The following AKT3 variants were observed in gnomAD, a reference collection of about 807,000 sequenced individuals.
The protein encoded by AKT3 is RAC-gamma serine/threonine-protein kinase.
AKT3 carries 15 observed loss-of-function variants against 65.3 expected under a neutral mutation model. The ratio of observed to expected loss-of-function variants is 0.23; its 90% CI spans 0.15 to 0.35. AKT3 has a LOEUF of 0.35. Among genes scored for constraint, AKT3 ranks in the 10% least tolerant of loss-of-function variants. AKT3 has a pLI of 1.00. For missense variants in AKT3, 243 were observed against 576.5 expected (o/e 0.42, Z 5.92); for synonymous variants, 206 against 183.8 (o/e 1.12, Z -0.98).
intron 2 of AKT3, among the ~76,000 whole-genome samples, chr1:243,780,744 G>C (rs919768231): frequency 4.6e-5 from 7 of 151,822 alleles, no homozygotes; most frequent in African/African-American, 1.7e-4. Context: ...CTTTTATACA[G>C]GGCTGAATTA....
rs556971735 is a variant in AKT3, at chr1:243,646,412, T to C, written c.285-375A>G. Among the ~76,000 whole-genome samples the C allele has an allele frequency of 6.6e-5, 10 of 152,200 alleles. No individual in the cohort carries two copies. In the East Asian group the frequency reaches 1.7e-3, roughly 26 times the overall value. On this transcript the variant is annotated intron_variant, in intron 4 of 13. Coordinates refer to ENST00000673466, the MANE Select transcript of AKT3 (RefSeq NM_005465.7). ...CTCTGTTGCCCAAGCTGGAGTTCAA[T>C]AGCATGATCTCAGCTCACTGCAACC...
intron 12 of AKT3, among the ~76,000 whole-genome samples, chr1:243,517,190 T>C (rs1376752437): frequency 6.6e-6 from 1 of 152,212 alleles, no homozygotes; most frequent in Non-Finnish European, 1.5e-5. Flanking sequence ...TGTTTTACAG[T>C]ACTTAAATCC....
intron 2 of AKT3, among the ~76,000 whole-genome samples, chr1:243,824,082 T>A (rs1017986670): frequency 6.6e-6 from 1 of 151,972 alleles, no homozygotes; most frequent in South Asian, 2.1e-4. Context: ...CGGAATAAAA[T>A]AGAAATCTCA....
At chr1:243,544,246 A>T in intron 12 of AKT3, among the ~76,000 whole-genome samples, 1 of 92,138 alleles carries the variant, frequency 1.1e-5, no homozygotes, top group East Asian at 3.8e-4. Context: ...GTAGTGGGGG[A>T]AAAAAAAAAA....
intron 2 of AKT3, among the ~76,000 whole-genome samples, chr1:243,717,131 T>A (rs1278828039): frequency 6.6e-6 from 1 of 152,224 alleles, no homozygotes; most frequent in Non-Finnish European, 1.5e-5. Flanking sequence ...TTTTCCTTCA[T>A]AAACTCAGCT....
intron 12 of AKT3, among the ~76,000 whole-genome samples, chr1:243,524,923 G>A (rs1461850490): frequency 6.6e-6 from 1 of 152,084 alleles, no homozygotes; most frequent in Admixed American, 6.5e-5. Flanking sequence ...TCATTTTTAC[G>A]GCTTTTTGCC....
chr1:243,597,432 T>C (rs982028195), intron 8 of AKT3, among the ~76,000 whole-genome samples: 7 of 152,220 alleles, frequency 4.6e-5, no homozygotes, highest in African/African-American at 1.4e-4. Context: ...GGTTTTTATC[T>C]TCTGTTTCAT....
intron 12 of AKT3, among the ~76,000 whole-genome samples, chr1:243,528,698 C>T (rs985440423): frequency 1.3e-5 from 2 of 152,202 alleles, no homozygotes; most frequent in Non-Finnish European, 2.9e-5. Flanking sequence ...TGTATCTGTA[C>T]TACATTCTTT....
Position 243,645,997 on chromosome 1 carries a change from G to A in AKT3, c.325C>T (p.Leu109=). The A allele has an allele frequency of 6.2e-7, 1 of 1,613,100 alleles. No individual in the cohort carries two copies. The highest frequency in any genetic ancestry group is 8.5e-7 in the Non-Finnish European group (1 of 1,179,430). Residue 109 remains leucine, a synonymous_variant, in exon 5 of 14, where the codon CTG becomes TTG. Transcript: ENST00000673466. ...ATTCTCTCCTCTTCTTGCCTCTGCA[G>A]TCTGTCTGCTACAGCCTGGATAGCT... ...TEAIQAVADR[L]QRQEEERMNC...
chr1:243,695,112 G>C (rs1238226387), intron 3 of AKT3, among the ~76,000 whole-genome samples: 1 of 151,800 alleles, frequency 6.6e-6, no homozygotes, highest in Admixed American at 6.6e-5. Flanking sequence ...AAACATTTTT[G>C]TTAGATATTT....
intron 3 of AKT3, among the ~76,000 whole-genome samples, chr1:243,679,952 A>C (rs1683800562): frequency 6.6e-6 from 1 of 152,182 alleles, no homozygotes; most frequent in Admixed American, 6.6e-5. Context: ...AGTTCAAAGG[A>C]AACAATGCAT....
intron 8 of AKT3, among the ~76,000 whole-genome samples, chr1:243,613,273 T>C (rs1009487436): frequency 6.6e-6 from 1 of 151,556 alleles, no homozygotes; most frequent in Non-Finnish European, 1.5e-5. Flanking sequence ...CCATGGACTA[T>C]TGTTCCACTG....
intron 2 of AKT3, among the ~76,000 whole-genome samples, chr1:243,753,225 C>T (rs867066607): frequency 1.3e-5 from 2 of 152,058 alleles, no homozygotes; most frequent in Non-Finnish European, 2.9e-5. Flanking sequence ...TGACTATGAA[C>T]TTAAATAAAT....
At chr1:243,643,473 C>T (rs764464635) in intron 5 of AKT3, among the ~76,000 whole-genome samples, 4 of 152,214 alleles carry the variant, frequency 2.6e-5, no homozygotes, top group Non-Finnish European at 5.9e-5. Context: ...CAAGATTAGG[C>T]ACTTCTGGGT....
intron 2 of AKT3, chr1:243,794,246 G>A (rs1391422765): frequency 2.6e-5 from 4 of 152,186 alleles, no homozygotes; most frequent in African/African-American, 9.7e-5. Flanking sequence ...ATGTTGCCCA[G>A]GCTGGTCTCA....
chr1:243,758,429 G>C (rs1459916820), intron 2 of AKT3, among the ~76,000 whole-genome samples: 1 of 152,120 alleles, frequency 6.6e-6, no homozygotes, highest in Non-Finnish European at 1.5e-5. Flanking sequence ...CTTTAAGATG[G>C]AAAATGCCTG....
intron 6 of AKT3, among the ~76,000 whole-genome samples, chr1:243,629,663 G>A (rs576255227): frequency 6.6e-6 from 1 of 152,016 alleles, no homozygotes; most frequent in Admixed American, 6.5e-5. Context: ...GTGGTGGTGG[G>A]CACCTGTAGT....
rs528632592 is a variant in AKT3 at position 243,795,675 on chromosome 1, T to G, written c.46+47450A>C. Among the ~76,000 whole-genome samples, 6 of 150,894 alleles carry G rather than the reference T, an allele frequency of 4.0e-5. No homozygotes were observed. The East Asian group carries it at 7.8e-4, about 20-fold the overall frequency. On this transcript the variant is annotated intron_variant, in intron 2 of 13. Transcript: ENST00000673466. ...TTTAGTAGAGACGGGGTTTCACCGTTTTAGCCGGGATGGTCTCGATCTCCT... is the reference window on the plus strand; with the variant it reads ...TTTAGTAGAGACGGGGTTTCACCGTGTTAGCCGGGATGGTCTCGATCTCCT...
chr1:243,556,481 C>A (rs1438151727), intron 10 of AKT3, among the ~76,000 whole-genome samples: 1 of 152,024 alleles, frequency 6.6e-6, no homozygotes, highest in Admixed American at 6.6e-5. Flanking sequence ...GCTTGCCCAC[C>A]AGGCCACACA....
Sources: gnomAD v4.1 joint callset for allele counts (sites outside exome capture counted in the v4.1 genomes callset) on GRCh38, gnomAD v4.1.1 for gene constraint, MANE v1.5 for transcripts, NCBI Gene and HGNC (gene_info 2026-07-23, HGNC 2026-07-21) for gene names.